The following SGIP1 variants were observed in gnomAD, a reference collection of about 807,000 sequenced individuals.
The protein encoded by SGIP1 is SH3GL interacting endocytic adaptor 1, also known as SH3-containing GRB2-like protein 3-interacting protein 1.
A neutral mutation model predicts 107.5 loss-of-function variants in SGIP1; 38 were observed. The observed-to-expected ratio is 0.35, with a 90% CI of 0.27 to 0.46. SGIP1 has a LOEUF of 0.46. Among genes scored for constraint, SGIP1 ranks in the 20% least tolerant of loss-of-function variants. SGIP1 has a pLI of 1.00. For synonymous variants in SGIP1, 365 were observed against 366.1 expected (o/e 1.00, Z 0.03); for missense variants, 929 against 1,019.5 (o/e 0.91, Z 1.21).
At chr1:66,622,016 T>A (rs2071265814) in intron 1 of SGIP1, among the ~76,000 whole-genome samples, 1 of 152,238 alleles carries the variant, frequency 6.6e-6, no homozygotes, top group Non-Finnish European at 1.5e-5. Flanking sequence ...TGAGAAGTAC[T>A]CTGTATTCAG....
intron 1 of SGIP1, among the ~76,000 whole-genome samples, chr1:66,614,430 T>C (rs2149197010): frequency 6.6e-6 from 1 of 152,322 alleles, no homozygotes; most frequent in Non-Finnish European, 1.5e-5. Context: ...ATATTGATGG[T>C]CATTATTATT....
chr1:66,721,274 T>A (rs979023932), intron 19 of SGIP1, among the ~76,000 whole-genome samples: 4 of 152,236 alleles, frequency 2.6e-5, no homozygotes, highest in African/African-American at 9.6e-5. Flanking sequence ...TTCTGTAGAA[T>A]CTTCTTTGGA....
chr1:66,649,533 G>A (rs1431929601), intron 7 of SGIP1, among the ~76,000 whole-genome samples: 1 of 152,170 alleles, frequency 6.6e-6, no homozygotes, highest in Admixed American at 6.5e-5. Flanking sequence ...TAAAGGAGGA[G>A]ATAGAGACAG....
At chr1:66,729,232 C>G (rs1210784443) in intron 19 of SGIP1, 32 bp from the exon 20 acceptor site, 14 of 1,609,590 alleles carry the variant, frequency 8.7e-6, no homozygotes, top group Non-Finnish European at 1.1e-5. Context: ...TGGATTTTCT[C>G]TCTCTTTCCT....
chr1:66,685,434 A>G (rs1365385593), intron 15 of SGIP1, among the ~76,000 whole-genome samples: 1 of 152,194 alleles, frequency 6.6e-6, no homozygotes, highest in African/African-American at 2.4e-5. Context: ...TTCTTGGCAA[A>G]GTCTCTCTTC....
intron 1 of SGIP1, among the ~76,000 whole-genome samples, chr1:66,581,144 T>C (rs2061771791): frequency 6.6e-6 from 1 of 152,078 alleles, no homozygotes; most frequent in Non-Finnish European, 1.5e-5. Context: ...CATGAGAGTA[T>C]ATAATTAAAC....
Position 66,748,227 on chromosome 1 carries a change from T to C in SGIP1, c.*5132T>C, listed in dbSNP as rs1296319622. ...TACCATTAATGTTCCTTTTTGTCAG[T>C]GGAGTGTATGGAAGGAAAATGAGAT... On this transcript the variant is annotated 3_prime_UTR_variant, in exon 25 of 25. Transcript: ENST00000371037. The C allele has an allele frequency of 6.6e-6, 1 of 151,984 alleles. No homozygotes were observed. The allele number at this position is 151,984 out of a possible 1,614,324, so 9.4% of individuals were successfully genotyped here.
rs543639908 is a variant in SGIP1, at chr1:66,614,906, G to A, written c.11-10941G>A. 1.5e-4 allele frequency among the ~76,000 whole-genome samples: 20 copies of A among 136,074 alleles called. No homozygotes were observed. In the South Asian group the frequency reaches 3.8e-3, roughly 26 times the overall value. The allele number at this position is 136,074 out of a possible 152,430, so 89.3% of individuals were successfully genotyped here. A position where few individuals can be genotyped will look rare whatever the true frequency, so the allele number is the denominator to read the frequency against. On this transcript the variant is annotated intron_variant, in intron 1 of 24. Coordinates refer to ENST00000371037, the MANE Select transcript of SGIP1 (RefSeq NM_032291.4). ...GTGATCTCAGCTCACCACAACCTCC[G>A]GCTCCCGGGTTCAAGTGATTCTCCT...
chr1:66,544,833 G>T (rs1260470390), intron 1 of SGIP1, among the ~76,000 whole-genome samples: 3 of 152,088 alleles, frequency 2.0e-5, no homozygotes, highest in Non-Finnish European at 2.9e-5. Flanking sequence ...GGCCTGAAAT[G>T]GTCTCTAAGC....
rs748359882 is a variant in SGIP1, at chr1:66,690,275, C to T, written c.1529C>T (p.Ser510Leu). 3 of 1,614,072 alleles carry T rather than the reference C, an allele frequency of 1.9e-6. No individual in the cohort carries two copies. The highest frequency in any genetic ancestry group is 1.1e-5 in the South Asian group (1 of 91,086). ...CGGGCTGAAAGCACTTCTTCAATATCGTCAACCAATTCCTTGAGCGCAGCC... is the reference window on the plus strand; with the variant it reads ...CGGGCTGAAAGCACTTCTTCAATATTGTCAACCAATTCCTTGAGCGCAGCC... ...LARAESTSSISSTNSLSAATT... is the reference protein window; with the variant it reads ...LARAESTSSILSTNSLSAATT... Residue 510 changes from serine to leucine, a missense_variant, in exon 17 of 25, where the codon TCG becomes TTG. This residue lies in a region of SGIP1 where 341 missense variants were observed against 430.9 expected (regional missense o/e 0.79). Coordinates refer to ENST00000371037, the MANE Select transcript of SGIP1 (RefSeq NM_032291.4).
chr1:66,633,924 T>C (rs763307381), intron 3 of SGIP1, among the ~76,000 whole-genome samples: 8 of 152,204 alleles, frequency 5.3e-5, no homozygotes, highest in Non-Finnish European at 1.0e-4. Flanking sequence ...GGGGTGTTAA[T>C]TGCAGCTATA....
chr1:66,569,298 T>C (rs2060071662), intron 1 of SGIP1, among the ~76,000 whole-genome samples: 1 of 151,994 alleles, frequency 6.6e-6, no homozygotes, highest in African/African-American at 2.4e-5. Context: ...CCTTGCTTTC[T>C]TTCTGATCCT....
At chr1:66,668,911 A>T (rs909286034) in intron 9 of SGIP1, among the ~76,000 whole-genome samples, 2 of 152,220 alleles carry the variant, frequency 1.3e-5, no homozygotes, top group African/African-American at 4.8e-5. Flanking sequence ...TTTTGAATCC[A>T]ATGGGCTTTT....
At chr1:66,740,118 G>T (rs1557822257) in intron 22 of SGIP1, among the ~76,000 whole-genome samples, 1 of 152,146 alleles carries the variant, frequency 6.6e-6, no homozygotes, top group South Asian at 2.1e-4. Flanking sequence ...AACTGCAAAG[G>T]CCTCTGAGAA....
At chr1:66,602,763 C>T (rs2066110409) in intron 1 of SGIP1, among the ~76,000 whole-genome samples, 1 of 152,096 alleles carries the variant, frequency 6.6e-6, no homozygotes, top group Non-Finnish European at 1.5e-5. Context: ...CCTGGCTCAC[C>T]TCGAAAATTA....
chr1:66,688,545 A>G (rs1263009074), intron 15 of SGIP1, among the ~76,000 whole-genome samples: 1 of 152,258 alleles, frequency 6.6e-6, no homozygotes, highest in Non-Finnish European at 1.5e-5. Flanking sequence ...CATGTCTGTT[A>G]TCAAGATTCT....
At chr1:66,545,628 T>TTGTGTGTGTG (rs769603266) in intron 1 of SGIP1, among the ~76,000 whole-genome samples, 6,225 of 138,938 alleles carry the variant, frequency 0.045, 224 homozygotes, top group East Asian at 0.12. Context: ...ACTGAACAAA[T>TTGTGTGTGTG]TGTGTGTGTG....
rs911730721 is a variant in SGIP1 at position 66,747,990 on chromosome 1, C to G, written c.*4895C>G. On this transcript the variant is annotated 3_prime_UTR_variant, in exon 25 of 25. Coordinates refer to ENST00000371037, the MANE Select transcript of SGIP1 (RefSeq NM_032291.4). ...GTTAATATAATATGATGTGTCCATG[C>G]AATGAGTCAAATTAGATTGTTGATA... 6.6e-6 allele frequency: 1 copy of G among 151,922 alleles called. No homozygotes were observed. Among genetic ancestry groups the G allele is most frequent in the East Asian group, 1.9e-4 (1 of 5,196 alleles). The allele number at this position is 151,922 out of a possible 1,614,324, so 9.4% of individuals were successfully genotyped here.
At position 66,671,073 on chromosome 1, in the gene SGIP1, T is replaced by C. The variant is rs535408559; in HGVS notation, c.508+54T>C. On this transcript the variant is annotated intron_variant, in intron 10 of 24. Coordinates refer to ENST00000371037, the MANE Select transcript of SGIP1 (RefSeq NM_032291.4). ...TGTATGATTTAAAAGAAAGAACAGT[T>C]CCTTGGATCTTGGAGTATATGTACA... The C allele has an allele frequency of 5.3e-6, 5 of 946,768 alleles. No homozygotes were observed. The Admixed American group carries it at 9.1e-5, about 17-fold the overall frequency. The allele number at this position is 946,768 out of a possible 1,614,324, so 58.6% of individuals were successfully genotyped here.
Sources: gnomAD v4.1 joint callset for allele counts (sites outside exome capture counted in the v4.1 genomes callset) on GRCh38, gnomAD v4.1.1 for gene constraint, gnomAD v4.1.1 regional missense constraint, MANE v1.5 for transcripts, NCBI Gene and HGNC (gene_info 2026-07-23, HGNC 2026-07-21) for gene names.